Variants in WIPF1 observed in about 807,000 individuals in gnomAD.
WIPF1 encodes the protein WAS/WASL-interacting protein family member 1.
WIPF1 carries 13 observed loss-of-function variants against 35.4 expected under a neutral mutation model. The observed-to-expected ratio is 0.37, with a 90% confidence interval of 0.24 to 0.58. WIPF1 has a LOEUF of 0.58. WIPF1 is among the 20% of genes least tolerant of loss of function. The pLI is 0.74. For synonymous variants in WIPF1, 267 were observed against 266.3 expected, an observed-to-expected ratio of 1.00 and a Z score of -0.02; for missense variants, 591 against 667.0, an observed-to-expected ratio of 0.89 and a Z score of 1.25.
At chr2:174,595,609 TC>T (rs1227410253) in intron 1 of WIPF1, among the ~76,000 whole-genome samples, 1 of 152,082 alleles carries the variant, frequency 6.6e-6, no homozygotes, top group Non-Finnish European at 1.5e-5. Flanking sequence ...TCACAGTCTT[TC>T]CCCCTATTTA....
intron 4 of WIPF1, among the ~76,000 whole-genome samples, chr2:174,572,720 G>A (rs1439419727): frequency 6.6e-6 from 1 of 152,184 alleles, no homozygotes; most frequent in African/African-American, 2.4e-5. Context: ...GCAAGAGCCA[G>A]GATGAAGTGG....
rs1684515884 is a variant in WIPF1 at position 174,562,602 on chromosome 2, C to T, written c.1457G>A (p.Ser486Asn). ...PSKLARNESR[S>N]GSNRRERGAP... ...ACCCCTTTCTCTTCGGTTGGATCCA[C>T]CTTGGTGAAAAAACAGACAAAATAT... Residue 486 changes from serine (S) to asparagine (N), a missense_variant and splice_region_variant, in exon 8 of 8, where the codon AGT becomes AAT. This residue lies in a region of WIPF1 where 117 missense variants were observed against 149.6 expected (regional missense o/e 0.78). Transcript: ENST00000679041. 6.2e-7 allele frequency: 1 copy of T among 1,613,930 alleles called. No individual in the cohort carries two copies. Among genetic ancestry groups the T allele is most frequent in the South Asian group, 1.1e-5 (1 of 91,048 alleles).
At chr2:174,638,944 A>AT (rs1329507752) in intron 1 of WIPF1, among the ~76,000 whole-genome samples, 1 of 152,058 alleles carries the variant, frequency 6.6e-6, no homozygotes, top group Non-Finnish European at 1.5e-5. Context: ...TATTTTTAAT[A>AT]TTTTTTAGAA....
At chr2:174,605,883 T>C (rs1359826453) in intron 1 of WIPF1, among the ~76,000 whole-genome samples, 2 of 152,230 alleles carry the variant, frequency 1.3e-5, no homozygotes, top group African/African-American at 2.4e-5. Flanking sequence ...TTCCCTTCCT[T>C]ATCCACTAGA....
chr2:174,633,402 C>T (rs1687087851), intron 1 of WIPF1, among the ~76,000 whole-genome samples: 1 of 152,190 alleles, frequency 6.6e-6, no homozygotes, highest in Non-Finnish European at 1.5e-5. Flanking sequence ...TGATCTTGCT[C>T]TCCTCTCCTC....
chr2:174,623,275 T>G (rs1257556898), intron 1 of WIPF1, among the ~76,000 whole-genome samples: 1 of 152,244 alleles, frequency 6.6e-6, no homozygotes, highest in Non-Finnish European at 1.5e-5. Flanking sequence ...GGTCAGAGAT[T>G]TGGGCACAGC....
intron 1 of WIPF1, among the ~76,000 whole-genome samples, chr2:174,595,409 A>C (rs1455562530): frequency 1.3e-5 from 2 of 151,842 alleles, no homozygotes; most frequent in Non-Finnish European, 2.9e-5. Context: ...AACTTCCTCC[A>C]CATTTAGTTG....
At chr2:174,635,794 AT>A (rs1272284401) in intron 1 of WIPF1, among the ~76,000 whole-genome samples, 2 of 152,162 alleles carry the variant, frequency 1.3e-5, no homozygotes, top group African/African-American at 4.8e-5. Flanking sequence ...CTGTAGACAT[AT>A]TCCAAGTCTT....
intron 7 of WIPF1, among the ~76,000 whole-genome samples, chr2:174,563,419 C>T (rs758880062): frequency 1.4e-4 from 22 of 152,122 alleles, no homozygotes; most frequent in Middle Eastern, 3.4e-3. Flanking sequence ...AAAAATTAGC[C>T]GGGCATGTTG....
At chr2:174,665,105 G>C (rs1303179274) in intron 1 of WIPF1, 1 of 152,134 alleles carries the variant, frequency 6.6e-6, no homozygotes, top group Non-Finnish European at 1.5e-5. Flanking sequence ...ACTTATTACA[G>C]AGGAGACAGA....
Position 174,561,101 on chromosome 2 carries a change from A to G in WIPF1, c.*1446T>C, listed in dbSNP as rs1684473300. On this transcript the variant is annotated 3_prime_UTR_variant, in exon 8 of 8. Transcript: ENST00000679041. ...AGTCCCAGTAAAATTTTGTAAACAA[A>G]ATCATATAAGAAAAGGCAAGGCTGG... is the stretch of plus-strand genomic sequence containing the variant. 6.6e-6 allele frequency: 1 copy of G among 152,646 alleles called. No homozygotes were observed. Among genetic ancestry groups the G allele is most frequent in the Non-Finnish European group, 1.5e-5 (1 of 68,040 alleles). The allele number at this position is 152,646 out of a possible 1,614,324, so 9.5% of individuals were successfully genotyped here.
chr2:174,574,431 T>C (rs1684978987), intron 4 of WIPF1, among the ~76,000 whole-genome samples: 1 of 152,218 alleles, frequency 6.6e-6, no homozygotes, highest in Non-Finnish European at 1.5e-5. Flanking sequence ...AGTGATTCCA[T>C]ATTCATGTAA....
chr2:174,595,119 T>A (rs375609656), intron 1 of WIPF1, among the ~76,000 whole-genome samples: 13,732 of 41,544 alleles, frequency 0.33, 2,940 homozygotes, highest in East Asian at 0.67. Flanking sequence ...AATATATATA[T>A]ATATATATAT....
At position 174,585,641 on chromosome 2, in the gene WIPF1, A is replaced by C. The variant is rs144534525; in HGVS notation, c.-38-30T>G. The C allele has an allele frequency of 2.9e-4, 433 of 1,478,812 alleles. 11 individuals carry two copies. The East Asian group carries it at 6.5e-3, about 22-fold the overall frequency. 91.6% of individuals were successfully genotyped at this position (1,478,812 alleles called of 1,614,324 possible). A position where few individuals can be genotyped will look rare whatever the true frequency, so the allele number is the denominator to read the frequency against. Reference sequence around the variant, plus strand: ...AAAAACAAGAATGCGATCATGTATTAGATGTAATCTTAGTAATACTGTCCT... The same window carrying C: ...AAAAACAAGAATGCGATCATGTATTCGATGTAATCTTAGTAATACTGTCCT... On this transcript the variant is annotated intron_variant, in intron 1 of 7. Transcript: ENST00000679041.
intron 1 of WIPF1, among the ~76,000 whole-genome samples, chr2:174,656,755 T>C (rs911378740): frequency 4.6e-5 from 7 of 152,206 alleles, no homozygotes; most frequent in African/African-American, 1.7e-4. Context: ...GATGAGGGCA[T>C]AGAGGCTGCT....
chr2:174,562,673 T>C, intron 7 of WIPF1, 71 bp from the exon 8 acceptor site: 1 of 1,579,868 alleles, frequency 6.3e-7, no homozygotes, highest in South Asian at 1.1e-5. Flanking sequence ...AACTCGGGGA[T>C]GGTTGCACGG....
intron 1 of WIPF1, among the ~76,000 whole-genome samples, chr2:174,646,748 G>A (rs923956828): frequency 6.6e-6 from 1 of 151,860 alleles, no homozygotes; most frequent in Non-Finnish European, 1.5e-5. Flanking sequence ...TGAGTAGCTG[G>A]GACCACAGGC....
chr2:174,663,952 A>G (rs1244167081), intron 1 of WIPF1, among the ~76,000 whole-genome samples: 1 of 152,190 alleles, frequency 6.6e-6, no homozygotes, highest in Non-Finnish European at 1.5e-5. Context: ...AACCTTCCCA[A>G]TTTATGGATA....
intron 1 of WIPF1, among the ~76,000 whole-genome samples, chr2:174,596,501 TTCTC>T (rs1685826563): frequency 6.6e-6 from 1 of 152,226 alleles, no homozygotes; most frequent in Non-Finnish European, 1.5e-5. Context: ...TCTTTCATCT[TTCTC>T]TCTACCAAGC....
Sources: gnomAD v4.1 joint callset for allele counts (sites outside exome capture counted in the v4.1 genomes callset) on GRCh38, gnomAD v4.1.1 for gene constraint, gnomAD v4.1.1 regional missense constraint, MANE v1.5 for transcripts, NCBI Gene and HGNC (gene_info 2026-07-23, HGNC 2026-07-21) for gene names.